SORCS2: variants seen among roughly 807,000 people sequenced by gnomAD.
SORCS2 encodes VPS10 domain-containing receptor SorCS2.
A neutral mutation model predicts 141.6 loss-of-function variants in SORCS2; 100 were observed. That is an observed-to-expected ratio of 0.71 (90% CI 0.60 to 0.83). SORCS2 has a LOEUF of 0.83. Ranked by LOEUF, SORCS2 falls within the 40% of genes least tolerant of loss-of-function variation. The pLI is 0.00. For synonymous variants in SORCS2, 789 were observed against 676.9 expected (o/e 1.17, Z -2.57); for missense variants, 1,646 against 1,560.2 (o/e 1.05, Z -0.93).
At chr4:7,242,664 A>T (rs775311731) in intron 1 of SORCS2, among the ~76,000 whole-genome samples, 7 of 151,922 alleles carry the variant, frequency 4.6e-5, no homozygotes, top group Admixed American at 4.6e-4. Context: ...GCCCGCCCAC[A>T]CTTCCAGGCC....
intron 2 of SORCS2, among the ~76,000 whole-genome samples, chr4:7,415,696 A>G (rs79527344): frequency 0.018 from 2,668 of 152,328 alleles, 24 homozygotes; most frequent in Non-Finnish European, 0.028. Context: ...CGATGGTCAG[A>G]AGTTATCAGT....
intron 17 of SORCS2, among the ~76,000 whole-genome samples, chr4:7,716,844 A>G (rs1726228810): frequency 6.6e-6 from 1 of 152,232 alleles, no homozygotes; most frequent in Non-Finnish European, 1.5e-5. Context: ...AAAGGATTTC[A>G]TCTCATACCA....
chr4:7,405,789 A>G (rs1344727428), intron 2 of SORCS2, among the ~76,000 whole-genome samples: 1 of 152,044 alleles, frequency 6.6e-6, no homozygotes, highest in African/African-American at 2.4e-5. Context: ...GTAAACAGGG[A>G]TAATTTTACT....
intron 14 of SORCS2, among the ~76,000 whole-genome samples, chr4:7,705,838 C>T (rs1458316703): frequency 6.6e-6 from 1 of 152,278 alleles, no homozygotes; most frequent in Non-Finnish European, 1.5e-5. Flanking sequence ...GAGTGCCTGA[C>T]CCCAGCCTCT....
At chr4:7,195,968 G>A (rs1158216073) in intron 1 of SORCS2, among the ~76,000 whole-genome samples, 1 of 152,220 alleles carries the variant, frequency 6.6e-6, no homozygotes, top group African/African-American at 2.4e-5. Flanking sequence ...ATTAAAAGGA[G>A]CATTTGATGA....
chr4:7,430,873 C>T (rs58274198), intron 2 of SORCS2: 27,955 of 152,194 alleles, frequency 0.18, 2,648 homozygotes, highest in Middle Eastern at 0.33. Context: ...CCTTAAGCCT[C>T]AGTCTCAGTG....
chr4:7,726,826 C>G lies in SORCS2; in HGVS notation c.2792C>G (p.Thr931Arg), dbSNP rs201869543. ...DNSVTTRFSD[T>R]GDVRVTVQAA... ...TCTGTGACAACGCGGTTTTCGGACA[C>G]GGGCGACGTGCGTGTGACGGTGCAG... The change falls in exon 21 of 27, where the codon ACG becomes AGG. Residue 931 changes from threonine to arginine, a missense_variant. Coordinates refer to ENST00000507866, the MANE Select transcript of SORCS2 (RefSeq NM_020777.3). The G allele has an allele frequency of 6.2e-7, 1 of 1,613,832 alleles. No individual in the cohort carries two copies. Among genetic ancestry groups the G allele is most frequent in the Admixed American group, 1.7e-5 (1 of 60,018 alleles).
chr4:7,232,625 G>A (rs34094094), intron 1 of SORCS2, among the ~76,000 whole-genome samples: 12,925 of 152,282 alleles, frequency 0.085, 685 homozygotes, highest in African/African-American at 0.13. Context: ...CCTCGGTGCT[G>A]GGGCTTTGCA....
At chr4:7,441,670 C>T (rs1337862489) in intron 2 of SORCS2, among the ~76,000 whole-genome samples, 1 of 150,638 alleles carries the variant, frequency 6.6e-6, no homozygotes, top group Non-Finnish European at 1.5e-5. Context: ...CCCAGATCAC[C>T]CTCCACCTCC....
rs557893184 is a variant in SORCS2, at chr4:7,618,854, A to G, written c.649-19474A>G. On this transcript the variant is annotated intron_variant, in intron 3 of 26. Coordinates refer to ENST00000507866, the MANE Select transcript of SORCS2 (RefSeq NM_020777.3). ...TGTGCGCAAACACACACACACACAC[A>G]CACAAACACACACACCACCGTCCTG... Among the ~76,000 whole-genome samples, 3 of 151,686 alleles carry G rather than the reference A, an allele frequency of 2.0e-5. No individual in the cohort carries two copies. In the East Asian group the frequency reaches 5.8e-4, roughly 29 times the overall value.
intron 1 of SORCS2, among the ~76,000 whole-genome samples, chr4:7,219,655 C>T (rs1728578367): frequency 6.6e-6 from 1 of 152,210 alleles, no homozygotes; most frequent in East Asian, 1.9e-4. Flanking sequence ...AGAACTCACT[C>T]ACTAATCCGA....
chr4:7,262,385 TCCA>T (rs1714412129), intron 1 of SORCS2, among the ~76,000 whole-genome samples: 24 of 91,948 alleles, frequency 2.6e-4, no homozygotes, highest in East Asian at 2.4e-3. Flanking sequence ...TATCCATCCA[TCCA>T]TCCATCCATC....
At chr4:7,565,786 T>C (rs1167433210) in intron 3 of SORCS2, among the ~76,000 whole-genome samples, 2 of 149,626 alleles carry the variant, frequency 1.3e-5, no homozygotes, top group South Asian at 2.1e-4. Context: ...GATGTGATGA[T>C]GGATATGATG....
rs557460109 is a variant in SORCS2 at position 7,570,143 on chromosome 4, A to C, written c.648+38514A>C. On this transcript the variant is annotated intron_variant, in intron 3 of 26. Coordinates refer to ENST00000507866, the MANE Select transcript of SORCS2 (RefSeq NM_020777.3). ...GATAGAGCCGGAGAGGGGAGCGAGG[A>C]GATTCATTATTTTGGATTTCAGTGG... Among the ~76,000 whole-genome samples the C allele has an allele frequency of 2.0e-3, 305 of 152,194 alleles. 3 individuals are homozygous for C. In the Middle Eastern group the frequency reaches 0.02, roughly 10 times the overall value.
chr4:7,466,667 CG>C (rs1219678462), intron 2 of SORCS2, among the ~76,000 whole-genome samples: 2 of 152,068 alleles, frequency 1.3e-5, no homozygotes, highest in Non-Finnish European at 2.9e-5. Context: ...GGACTGAGCC[CG>C]GGGAGCAGGG....
chr4:7,555,850 G>T (rs1002431102), intron 3 of SORCS2, among the ~76,000 whole-genome samples: 1 of 152,182 alleles, frequency 6.6e-6, no homozygotes, highest in Non-Finnish European at 1.5e-5. Flanking sequence ...CTTGAAGAAG[G>T]TCAGTGTGAC....
At chr4:7,564,637 G>A (rs1318693787) in intron 3 of SORCS2, among the ~76,000 whole-genome samples, 1 of 152,174 alleles carries the variant, frequency 6.6e-6, no homozygotes, top group African/African-American at 2.4e-5. Flanking sequence ...TGAGGAGCTG[G>A]GCCCGAGCTC....
Position 7,433,320 on chromosome 4 carries a change from G to A in SORCS2, c.548+36965G>A, listed in dbSNP as rs757005290. The A allele has an allele frequency of 2.4e-5, 34 of 1,405,532 alleles. No individual in the cohort carries two copies. The South Asian group carries it at 2.7e-4, about 11-fold the overall frequency. The allele number at this position is 1,405,532 out of a possible 1,614,324, so 87.1% of individuals were successfully genotyped here. ...GGGTCTCTGGCAGCCACGGTCACGC[G>A]TGTTCCCCAGCGTGGAGGTGCATCT... On this transcript the variant is annotated intron_variant, in intron 2 of 26. Coordinates refer to ENST00000507866, the MANE Select transcript of SORCS2 (RefSeq NM_020777.3).
chr4:7,715,505 A>G (rs1726134845), intron 17 of SORCS2, among the ~76,000 whole-genome samples, 194 bp downstream of exon 17: 1 of 152,242 alleles, frequency 6.6e-6, no homozygotes. Flanking sequence ...GAGTCACCAG[A>G]CATCATGAGT....
Sources: allele counts gnomAD v4.1 joint callset (sites outside exome capture counted in the v4.1 genomes callset), GRCh38; gene constraint gnomAD v4.1.1; transcripts MANE v1.5; gene names NCBI Gene and HGNC (gene_info 2026-07-23, HGNC 2026-07-21).